SPAG17: variants seen among roughly 807,000 people sequenced by gnomAD.
SPAG17 encodes sperm associated antigen 17.
In SPAG17, 169 loss-of-function variants were observed where a neutral mutation model predicts 273.6. The observed-to-expected ratio is 0.62, with a 90% CI of 0.55 to 0.70. The LOEUF is 0.70. Ranked by LOEUF, SPAG17 falls within the 30% of genes least tolerant of loss-of-function variation. The pLI, the probability that SPAG17 is intolerant of heterozygous loss-of-function variation, is 0.00. For synonymous variants in SPAG17, 825 were observed against 873.2 expected (o/e 0.94, Z 0.97); for missense variants, 2,557 against 2,627.8 (o/e 0.97, Z 0.59).
chr1:118,042,121 T>C, intron 20 of SPAG17, 79 bp from the exon 21 acceptor site: 1 of 1,505,618 alleles, frequency 6.6e-7, no homozygotes, highest in Non-Finnish European at 8.9e-7. Context: ...TTTTGAAGAA[T>C]ATTTAACATG....
chr1:117,960,586 C>G (rs1422749893), intron 48 of SPAG17: 3 of 152,158 alleles, frequency 2.0e-5, no homozygotes, highest in Non-Finnish European at 4.4e-5. Flanking sequence ...ATGCAGTTTA[C>G]TGGGGCGATG....
In SPAG17 at chr1:118,054,002, C is replaced by A; in HGVS notation, c.2814G>T (p.Lys938Asn). The change falls in exon 20 of 49, where the codon AAG (lysine) becomes AAT (asparagine). Residue 938 changes from lysine (K) to asparagine (N), a missense_variant and splice_region_variant. By Grantham distance (94) the Lys-to-Asn change is moderately conservative. Transcript: ENST00000336338. Reference sequence around the variant, plus strand: ...TTAAACTTTATGTAAGCTGGATTACCTTGAGAGAGCCTTCTAAAATGAAAG... The same window carrying A: ...TTAAACTTTATGTAAGCTGGATTACATTGAGAGAGCCTTCTAAAATGAAAG... ...KIPFILEGSL[K>N]AWKEEQHRLA... is the part of the protein sequence containing the mutation. 6.2e-7 allele frequency: 1 copy of A among 1,602,528 alleles called. No homozygotes were observed. The highest frequency in any genetic ancestry group is 8.5e-7 in the Non-Finnish European group (1 of 1,172,010).
chr1:118,035,778 GGTTAGATCCCTCTAAAA>G (rs1483435212), intron 24 of SPAG17, among the ~76,000 whole-genome samples: 1 of 152,122 alleles, frequency 6.6e-6, no homozygotes, highest in Non-Finnish European at 1.5e-5. Context: ...AATATGTTGT[GGTTAGATCCCTCTAAAA>G]TGCATGGGAA....
chr1:118,094,538 G>A (rs1655589694), intron 7 of SPAG17, among the ~76,000 whole-genome samples: 1 of 152,226 alleles, frequency 6.6e-6, no homozygotes. Context: ...AATCAAAGGG[G>A]AAGAGGGCTC....
chr1:118,054,035 T>C lies in SPAG17; in HGVS notation c.2781A>G (p.Glu927=). The change falls in exon 20 of 49, where the codon GAA becomes GAG. Residue 927 remains glutamate, a synonymous_variant. Transcript: ENST00000336338. ...AGCCTTCTAAAATGAAAGGAATCTT[T>C]TCCTTCTCTTTTTCTTTTTCTTGAT... ...ISDQEKEKEK[E]KIPFILEGSL... The C allele has an allele frequency of 6.2e-7, 1 of 1,608,978 alleles. No individual in the cohort carries two copies. The highest frequency in any genetic ancestry group is 1.1e-5 in the South Asian group (1 of 90,708).
chr1:118,162,341 T>A (rs1255018110), intron 1 of SPAG17, among the ~76,000 whole-genome samples: 1 of 152,178 alleles, frequency 6.6e-6, no homozygotes, highest in Admixed American at 6.5e-5. Context: ...CACATGGCCT[T>A]GGAAAAACAT....
At chr1:118,127,354 G>T (rs1305090053) in intron 3 of SPAG17, among the ~76,000 whole-genome samples, 1 of 152,152 alleles carries the variant, frequency 6.6e-6, no homozygotes, top group African/African-American at 2.4e-5. Flanking sequence ...TTCTAGGGAG[G>T]CCTCAGGAAA....
At chr1:118,062,160 G>T (rs760417868) in intron 18 of SPAG17, among the ~76,000 whole-genome samples, 3 of 151,974 alleles carry the variant, frequency 2.0e-5, no homozygotes, top group Non-Finnish European at 2.9e-5. Flanking sequence ...GAGGTCAGGA[G>T]ATCGAGACCA....
chr1:118,165,641 C>CTT (rs1558057112), intron 1 of SPAG17, among the ~76,000 whole-genome samples: 9 of 106,170 alleles, frequency 8.5e-5, no homozygotes, highest in African/African-American at 1.5e-4. Context: ...AAAAAAAAAA[C>CTT]TTTCTTTTTT....
At chr1:117,963,336 A>G (rs1447258248) in intron 48 of SPAG17, 1 of 152,552 alleles carries the variant, frequency 6.6e-6, no homozygotes, top group African/African-American at 2.4e-5. Flanking sequence ...ATAAAGAAGC[A>G]ACTAGTATAG....
chr1:118,016,331 C>T (rs976728099), intron 28 of SPAG17, 149 bp from the exon 29 acceptor site: 34 of 665,948 alleles, frequency 5.1e-5, no homozygotes, highest in African/African-American at 4.6e-4. Flanking sequence ...TATTATTTCT[C>T]AATAGGGAAA....
At chr1:118,098,505 T>A (rs1655857736) in intron 6 of SPAG17, among the ~76,000 whole-genome samples, 1 of 151,730 alleles carries the variant, frequency 6.6e-6, no homozygotes, top group Non-Finnish European at 1.5e-5. Context: ...TTTAATATTT[T>A]ATTTTTATAT....
At chr1:118,134,632 C>T (rs1333457807) in intron 3 of SPAG17, among the ~76,000 whole-genome samples, 1 of 152,194 alleles carries the variant, frequency 6.6e-6, no homozygotes, top group Admixed American at 6.5e-5. Context: ...GCTCAGAATT[C>T]CTCAATGGCC....
At chr1:118,133,534 C>T (rs1354915943) in intron 3 of SPAG17, among the ~76,000 whole-genome samples, 2 of 152,090 alleles carry the variant, frequency 1.3e-5, no homozygotes, top group South Asian at 2.1e-4. Context: ...TTGAGGCATG[C>T]CACTGGTACA....
At chr1:118,037,342 CT>C (rs887189583) in intron 23 of SPAG17, among the ~76,000 whole-genome samples, 1 of 151,952 alleles carries the variant, frequency 6.6e-6, no homozygotes, top group African/African-American at 2.4e-5. Flanking sequence ...TGTTAAGGCA[CT>C]TTTTTTTCTT....
chr1:118,143,395 G>T (rs1658785314), intron 3 of SPAG17, among the ~76,000 whole-genome samples: 1 of 152,120 alleles, frequency 6.6e-6, no homozygotes, highest in Non-Finnish European at 1.5e-5. Flanking sequence ...GTATCTGAAA[G>T]GTTGTTAAGA....
chr1:118,127,995 G>A (rs1021980117), intron 3 of SPAG17, among the ~76,000 whole-genome samples: 4 of 152,062 alleles, frequency 2.6e-5, no homozygotes, highest in African/African-American at 7.2e-5. Flanking sequence ...GGTGGCGTAT[G>A]CCTGTAGTCT....
At chr1:118,146,004 G>A (rs1461922789) in intron 3 of SPAG17, among the ~76,000 whole-genome samples, 1 of 152,084 alleles carries the variant, frequency 6.6e-6, no homozygotes, top group African/African-American at 2.4e-5. Flanking sequence ...TTTCCTGGTT[G>A]GTAGGCATGG....
intron 13 of SPAG17, among the ~76,000 whole-genome samples, chr1:118,085,343 C>T (rs1014378145): frequency 1.4e-4 from 22 of 152,274 alleles, no homozygotes; most frequent in Non-Finnish European, 2.9e-4. Context: ...AGACAGGTAT[C>T]GCTGAATTGG....
Sources: allele counts gnomAD v4.1 joint callset (sites outside exome capture counted in the v4.1 genomes callset), GRCh38; gene constraint gnomAD v4.1.1; transcripts MANE v1.5; gene names NCBI Gene and HGNC (gene_info 2026-07-23, HGNC 2026-07-21).